The following RYR1 variants were observed in gnomAD, a reference collection of about 807,000 sequenced individuals.
The protein encoded by RYR1 is ryanodine receptor 1.
Under a neutral mutation model 583.5 loss-of-function variants are expected in RYR1, and 342 were observed. That is an observed-to-expected ratio of 0.59 (90% confidence interval 0.54 to 0.64). The LOEUF is 0.64. Among genes scored for constraint, RYR1 ranks in the 30% least tolerant of loss-of-function variants. The pLI, the probability that RYR1 is intolerant of heterozygous loss-of-function variation, is 0.00. For synonymous variants in RYR1, 2,791 were observed against 2,822.5 expected (o/e 0.99, Z 0.35); for missense variants, 6,032 against 6,917.2 (o/e 0.87, Z 4.54).
intron 84 of RYR1, among the ~76,000 whole-genome samples, chr19:38,541,749 T>G (rs1972203865): frequency 6.6e-6 from 1 of 151,136 alleles, no homozygotes; most frequent in Non-Finnish European, 1.5e-5. Context: ...TAGATTGCAG[T>G]CAGAAAAGAT....
chr19:38,467,942 C>T (rs1434591753), intron 25 of RYR1, 130 bp downstream of exon 25: 1 of 754,650 alleles, frequency 1.3e-6, no homozygotes, highest in African/African-American at 1.7e-5. Context: ...ACTCATCCAC[C>T]CATCTATCCA....
At chr19:38,530,987 C>CTTTTTTTTTTTTTTTTTTT (rs59244176) in intron 76 of RYR1, among the ~76,000 whole-genome samples, 93 of 129,368 alleles carry the variant, frequency 7.2e-4, no homozygotes, top group Non-Finnish European at 9.4e-4. Flanking sequence ...TTTTCTTTCT[C>CTTTTTTTTTTTTTTTTTTT]TTTTTTTTTT....
chr19:38,439,132 C>A (rs568166459), intron 1 of RYR1, among the ~76,000 whole-genome samples: 1 of 152,122 alleles, frequency 6.6e-6, no homozygotes, highest in Non-Finnish European at 1.5e-5. Flanking sequence ...AGGCCCAGAG[C>A]ATAAGGCCTG....
intron 36 of RYR1, 106 bp from the exon 37 acceptor site, chr19:38,490,515 A>G (rs1334223947): frequency 2.4e-6 from 2 of 843,796 alleles, no homozygotes; most frequent in Admixed American, 3.9e-5. Context: ...TCACACTTCG[A>G]CTCATGACCT....
intron 34 of RYR1, among the ~76,000 whole-genome samples, chr19:38,486,531 AC>A (rs1208606855): frequency 5.9e-5 from 9 of 152,018 alleles, no homozygotes; most frequent in African/African-American, 2.2e-4. Context: ...TTCAGTAGAG[AC>A]TGCTTTCACC....
chr19:38,466,829 AGACTGACCAGGAGGTCAGAAAG>A (rs1394428218), intron 24 of RYR1, among the ~76,000 whole-genome samples: 27 of 152,044 alleles, frequency 1.8e-4, no homozygotes, highest in African/African-American at 6.0e-4. Flanking sequence ...CACATCGAGC[AGACTGACCAGGAGGTCAGAAAG>A]GACTGACCCC....
chr19:38,477,287 C>T (rs541906884), intron 29 of RYR1, among the ~76,000 whole-genome samples: 8 of 152,066 alleles, frequency 5.3e-5, no homozygotes, highest in Non-Finnish European at 1.2e-4. Flanking sequence ...GGACTACAGG[C>T]GCCCACCACC....
intron 92 of RYR1, among the ~76,000 whole-genome samples, chr19:38,567,358 A>G (rs1466943088): frequency 6.6e-6 from 1 of 151,722 alleles, no homozygotes; most frequent in African/African-American, 2.4e-5. Context: ...GAGATAGAAA[A>G]ATGAAAACTC....
Position 38,506,384 on chromosome 19 carries a change from G to A in RYR1, c.8616+7G>A, listed in dbSNP as rs200023171. 1,345 of 1,613,744 alleles carry A rather than the reference G, an allele frequency of 8.3e-4. 14 individuals carry two copies. The South Asian group carries it at 8.6e-3, about 10-fold the overall frequency. The stretch of plus-strand genomic sequence containing the variant: ...CCTGTCCCGGGAGCTGCAGGTGAGA[G>A]CCCTGATCCTTTTGGGGGGACATAG... On this transcript the variant is annotated splice_region_variant and intron_variant, in intron 55 of 105. Coordinates refer to ENST00000359596, the MANE Select transcript of RYR1 (RefSeq NM_000540.3).
intron 27 of RYR1, among the ~76,000 whole-genome samples, chr19:38,470,456 A>AAT (rs1408568161): frequency 6.6e-6 from 1 of 150,486 alleles, no homozygotes; most frequent in African/African-American, 2.4e-5. Context: ...AAAAAAAAAA[A>AAT]GAGCTGGGCA....
intron 21 of RYR1, 33 bp downstream of exon 21, chr19:38,463,560 G>C (rs1267715491): frequency 1.3e-6 from 2 of 1,598,320 alleles, no homozygotes; most frequent in East Asian, 4.5e-5. Context: ...CGGGAGGCCG[G>C]CTAGACTTGC....
At chr19:38,443,867 A>G (rs1259242666) in intron 5 of RYR1, 71 bp downstream of exon 5, 49 of 1,415,736 alleles carry the variant, frequency 3.5e-5, no homozygotes, top group Middle Eastern at 1.8e-4. Flanking sequence ...GAAGGTCTGC[A>G]GAACGCCAAG....
intron 87 of RYR1, 115 bp from the exon 88 acceptor site, chr19:38,546,330 G>A: frequency 3.7e-6 from 3 of 815,046 alleles, no homozygotes; most frequent in Non-Finnish European, 6.3e-6. Flanking sequence ...TCCCCTCGGA[G>A]GTAAGAGGGG....
intron 83 of RYR1, chr19:38,537,034 C>G (rs528972176): frequency 1.7e-6 from 1 of 581,294 alleles, no homozygotes; most frequent in Non-Finnish European, 3.1e-6. Flanking sequence ...GAAGCAGAAG[C>G]TAGAGAACAT....
At position 38,496,816 on chromosome 19, in the gene RYR1, G is replaced by A. The variant is rs1356417151; in HGVS notation, c.6797-44G>A. ...AGGGAGGGCTTCCCAGAGGAGGCGA[G>A]ACAAGCAGGAGTGAGATGTTCTCCC... On this transcript the variant is annotated intron_variant, in intron 41 of 105. Coordinates refer to ENST00000359596, the MANE Select transcript of RYR1 (RefSeq NM_000540.3). This position sits in a 1 kb window ranked among gnomAD's most constrained non-coding sequence, Gnocchi z 4.8. 6.4e-7 allele frequency: 1 copy of A among 1,572,534 alleles called. No individual in the cohort carries two copies. Among genetic ancestry groups the A allele is most frequent in the Non-Finnish European group, 8.7e-7 (1 of 1,143,210 alleles).
chr19:38,580,232 C>T, intron 100 of RYR1, 104 bp downstream of exon 100: 1 of 1,594,762 alleles, frequency 6.3e-7, no homozygotes, highest in Non-Finnish European at 8.5e-7. Flanking sequence ...AGGGGCAAGG[C>T]CAGGTGCGCT....
At position 38,452,826 on chromosome 19, in the gene RYR1, G is replaced by A; in HGVS notation, c.1252G>A (p.Asp418Asn). 1.9e-6 allele frequency: 3 copies of A among 1,592,612 alleles called. No individual in the cohort carries two copies. The highest frequency in any genetic ancestry group is 2.6e-6 in the Non-Finnish European group (3 of 1,170,102). The change falls in exon 13 of 106, where the codon GAC becomes AAC. Residue 418 changes from aspartate to asparagine, a missense_variant. Around this residue, in one of 11 missense-constraint regions of RYR1, gnomAD observed 2,627 missense variants for 2,961.3 expected, o/e 0.89. Transcript: ENST00000359596. ...GLYNQFIKSLDSFSGKPRGSG... is the reference protein window; with the variant it reads ...GLYNQFIKSLNSFSGKPRGSG... ...GCTGCGAGGTCCCTGTAGGAGCCTG[G>A]ACAGCTTCAGCGGGAAGCCACGGGG...
chr19:38,570,458 A>G (rs1973664093), intron 93 of RYR1, 149 bp from the exon 94 acceptor site: 2 of 362,430 alleles, frequency 5.5e-6, no homozygotes, highest in Non-Finnish European at 9.6e-6. Flanking sequence ...TCTCAAAAAT[A>G]ATAATAATAA....
chr19:38,573,376 G>T, intron 96 of RYR1, 69 bp downstream of exon 96: 1 of 1,571,084 alleles, frequency 6.4e-7, no homozygotes, highest in South Asian at 1.1e-5. Flanking sequence ...GTCCAGGCCT[G>T]GACCCCAAAA....
Sources: gnomAD v4.1 joint callset for allele counts (sites outside exome capture counted in the v4.1 genomes callset) on GRCh38, gnomAD v4.1.1 for gene constraint, gnomAD v4.1.1 regional missense constraint, Gnocchi (gnomAD v3.1) non-coding constraint, MANE v1.5 for transcripts, NCBI Gene and HGNC (gene_info 2026-07-23, HGNC 2026-07-21) for gene names.